The following MCRIP1 variants were observed in gnomAD, a reference collection of about 807,000 sequenced individuals.
MCRIP1 encodes MAPK regulated corepressor interacting protein 1.
A neutral mutation model predicts 14.4 loss-of-function variants in MCRIP1; 10 were observed. The observed-to-expected ratio is 0.70, with a 90% CI of 0.43 to 1.18. The LOEUF is 1.18. Ranked by LOEUF, MCRIP1 falls within the 50% of genes most tolerant of loss-of-function variation. The pLI is 0.00. For missense variants in MCRIP1, 119 were observed against 135.4 expected (o/e 0.88, Z 0.60); for synonymous variants, 53 against 55.7 (o/e 0.95, Z 0.21).
At chr17:81,826,707 T>C (rs1389988082) in intron 1 of MCRIP1, 3 of 302,226 alleles carry the variant, frequency 9.9e-6, no homozygotes, top group Non-Finnish European at 1.8e-5. Flanking sequence ...TAATCCCAGC[T>C]ACTCGGGAGG....
At chr17:81,826,179 C>G in intron 1 of MCRIP1, 1 of 1,503,734 alleles carries the variant, frequency 6.7e-7, no homozygotes, top group South Asian at 1.3e-5. Context: ...GATTGCCCCA[C>G]ATCCTCCCAA....
At chr17:81,828,415 G>GTGCCCAATT (rs1444544409) in intron 1 of MCRIP1, among the ~76,000 whole-genome samples, 17 of 152,086 alleles carry the variant, frequency 1.1e-4, no homozygotes, top group Non-Finnish European at 1.9e-4. Flanking sequence ...CTGCCAAGGA[G>GTGCCCAATT]CTGGGTGCCC....
At position 81,823,212 on chromosome 17, in the gene MCRIP1, G is replaced by A. The variant is rs1230695200; in HGVS notation, c.*35C>T. On this transcript the variant is annotated 3_prime_UTR_variant, in exon 5 of 5. Coordinates refer to ENST00000455127, the MANE Select transcript of MCRIP1 (RefSeq NM_207368.5). The surrounding 1 kb of genome is among the most constrained non-coding windows in gnomAD (Gnocchi z 6.0). ...GGAGGGAACCGACACCTCGCACCCT[G>A]ATCTTCCGGAGGCCGGGGAGGGGCA... 2 of 1,533,356 alleles carry A rather than the reference G, an allele frequency of 1.3e-6. No homozygotes were observed. The highest frequency in any genetic ancestry group is 1.2e-5 in the South Asian group (1 of 83,978). The allele number at this position is 1,533,356 out of a possible 1,614,324, so 95.0% of individuals were successfully genotyped here.
rs575974679 is a variant in MCRIP1, at chr17:81,823,968, C to G, written c.127+319G>C. 394 of 530,310 alleles carry G rather than the reference C, an allele frequency of 7.4e-4. 3 individuals are homozygous for G. Among genetic ancestry groups the G allele is most frequent in the African/African-American group, 6.9e-3 (360 of 52,156 alleles). The allele number at this position is 530,310 out of a possible 1,614,324, so 32.9% of individuals were successfully genotyped here. On this transcript the variant is annotated intron_variant, in intron 3 of 4. Coordinates refer to ENST00000455127, the MANE Select transcript of MCRIP1 (RefSeq NM_207368.5). This position sits in a 1 kb window ranked among gnomAD's most constrained non-coding sequence, Gnocchi z 6.0. ...TGTCTTCAAAGGCCCCTCCCTTTCCCCAGCAAACTCCTCCAGTGCTGCTAG... is the reference window on the plus strand; with the variant it reads ...TGTCTTCAAAGGCCCCTCCCTTTCCGCAGCAAACTCCTCCAGTGCTGCTAG...
chr17:81,824,641 C>T (rs1395111202), intron 1 of MCRIP1, 87 bp from the exon 2 acceptor site: 1 of 1,528,146 alleles, frequency 6.5e-7, no homozygotes, highest in Non-Finnish European at 8.8e-7. Context: ...CACCTGCCTC[C>T]TCCCTTCAGA....
rs1056860160 is a variant in MCRIP1, at chr17:81,824,058, C to T, written c.127+229G>A. On this transcript the variant is annotated intron_variant, in intron 3 of 4. Coordinates refer to ENST00000455127, the MANE Select transcript of MCRIP1 (RefSeq NM_207368.5). ...ATGGCCCACCCCCAGCCCCTCCTCC[C>T]GGGCTCCCCCCATGATCAGAACCAG... 3.9e-5 allele frequency among the ~76,000 whole-genome samples: 6 copies of T among 152,214 alleles called. No individual in the cohort carries two copies. The South Asian group carries it at 8.3e-4, about 21-fold the overall frequency.
intron 1 of MCRIP1, chr17:81,825,492 C>G: frequency 8.2e-7 from 1 of 1,213,568 alleles, no homozygotes; most frequent in South Asian, 1.5e-5. Context: ...ACTCCCCTGC[C>G]CACCCAGAGG....
At chr17:81,832,364 T>C (rs1219279222) in intron 1 of MCRIP1, among the ~76,000 whole-genome samples, 2 of 152,104 alleles carry the variant, frequency 1.3e-5, no homozygotes, top group African/African-American at 4.8e-5. Context: ...AGCAACAGCC[T>C]GAGCGTGTGC....
Position 81,823,601 on chromosome 17 carries a change from C to A in MCRIP1, c.128-88G>T. ...GAGAGTGCCTGCCCTCAGCTCCTGC[C>A]CTCCCAGATCCTCTTCTCCCTCAGA... On this transcript the variant is annotated intron_variant, in intron 3 of 4. Coordinates refer to ENST00000455127, the MANE Select transcript of MCRIP1 (RefSeq NM_207368.5). The surrounding 1 kb of genome is among the most constrained non-coding windows in gnomAD (Gnocchi z 6.0). 1 of 1,035,074 alleles carries A rather than the reference C, an allele frequency of 9.7e-7. No individual in the cohort carries two copies. The highest frequency in any genetic ancestry group is 1.4e-5 in the South Asian group (1 of 69,818). 64.1% of individuals were successfully genotyped at this position (1,035,074 alleles called of 1,614,324 possible). A position where few individuals can be genotyped will look rare whatever the true frequency, so the allele number is the denominator to read the frequency against.
At chr17:81,824,951 C>T in intron 1 of MCRIP1, 1 of 1,104,408 alleles carries the variant, frequency 9.1e-7, no homozygotes, top group Non-Finnish European at 1.1e-6. Flanking sequence ...CTCACTGCAG[C>T]AGAGGGCCTG....
At chr17:81,826,829 A>AG (rs1406391109) in intron 1 of MCRIP1, among the ~76,000 whole-genome samples, 1 of 147,256 alleles carries the variant, frequency 6.8e-6, no homozygotes, top group East Asian at 2.0e-4. Context: ...AAAAAAAAAA[A>AG]AAAAAAAAGG....
chr17:81,826,343 G>A, intron 1 of MCRIP1: 13 of 1,535,530 alleles, frequency 8.5e-6, no homozygotes, highest in Non-Finnish European at 1.1e-5. Flanking sequence ...GTACACACCT[G>A]CCCACACACA....
intron 1 of MCRIP1, chr17:81,826,130 C>T (rs2038389374): frequency 2.0e-6 from 3 of 1,484,860 alleles, no homozygotes; most frequent in Non-Finnish European, 2.7e-6. Context: ...TGGGATCCCC[C>T]TGCTGGGTTC....
At chr17:81,827,470 G>A (rs1203917020) in intron 1 of MCRIP1, among the ~76,000 whole-genome samples, 4 of 151,418 alleles carry the variant, frequency 2.6e-5, no homozygotes, top group African/African-American at 7.3e-5. Context: ...ACGGGATTTC[G>A]TCCTGTTAGC....
At chr17:81,826,181 T>A (rs1284765566) in intron 1 of MCRIP1, 19 of 1,503,310 alleles carry the variant, frequency 1.3e-5, no homozygotes, top group Non-Finnish European at 1.8e-6. Flanking sequence ...TTGCCCCACA[T>A]CCTCCCAAGC....
intron 1 of MCRIP1, among the ~76,000 whole-genome samples, chr17:81,826,845 CGTGGT>C (rs1166145783): frequency 2.3e-5 from 3 of 131,184 alleles, no homozygotes; most frequent in Non-Finnish European, 4.8e-5. Flanking sequence ...AAAGGCCAGG[CGTGGT>C]GGCTCACGCC....
At chr17:81,830,971 G>A (rs1276946235) in intron 1 of MCRIP1, among the ~76,000 whole-genome samples, 1 of 151,992 alleles carries the variant, frequency 6.6e-6, no homozygotes, top group African/African-American at 2.4e-5. Flanking sequence ...TTCGAGACCA[G>A]CCTGGCCAAC....
In MCRIP1 at chr17:81,826,569, C is replaced by G. The variant is rs1039618647; in HGVS notation, c.-48-2015G>C. The G allele has an allele frequency of 1.4e-5, 8 of 582,066 alleles. No individual in the cohort carries two copies. The Admixed American group carries it at 1.6e-4, about 12-fold the overall frequency. 36.1% of individuals were successfully genotyped at this position (582,066 alleles called of 1,614,324 possible). A position where few individuals can be genotyped will look rare whatever the true frequency, so the allele number is the denominator to read the frequency against. On this transcript the variant is annotated intron_variant, in intron 1 of 4. Transcript: ENST00000455127. ...GCACGGTGGCTCACGCTTGTAATCCCAACACTTTGGGAGGCAGAGGCGGGT... is the reference window on the plus strand; with the variant it reads ...GCACGGTGGCTCACGCTTGTAATCCGAACACTTTGGGAGGCAGAGGCGGGT...
intron 1 of MCRIP1, among the ~76,000 whole-genome samples, chr17:81,829,902 G>A (rs1197376374): frequency 6.6e-6 from 1 of 152,208 alleles, no homozygotes; most frequent in Admixed American, 6.5e-5. Context: ...GCACTAGGGT[G>A]TCACCCAGGC....
Sources: allele counts gnomAD v4.1 joint callset (sites outside exome capture counted in the v4.1 genomes callset), GRCh38; gene constraint gnomAD v4.1.1; non-coding constraint Gnocchi (gnomAD v3.1); transcripts MANE v1.5; gene names NCBI Gene and HGNC (gene_info 2026-07-23, HGNC 2026-07-21).